GANC: variants seen among roughly 807,000 people sequenced by gnomAD.
GANC encodes glucosidase alpha, neutral C, also known as neutral alpha-glucosidase C.
GANC carries 117 observed loss-of-function variants against 124.2 expected under a neutral mutation model. The ratio of observed to expected loss-of-function variants is 0.94; its 90% CI spans 0.81 to 1.10. GANC has a LOEUF of 1.10. GANC is among the 50% of genes least tolerant of loss of function. The probability of loss-of-function intolerance (pLI) is 0.00; values close to 1 mark genes in which losing one functional copy is unlikely to be tolerated. For synonymous variants in GANC, 377 were observed against 376.8 expected (o/e 1.00, Z -0.01); for missense variants, 1,140 against 1,095.0 (o/e 1.04, Z -0.58).
intron 3 of GANC, chr15:42,283,618 G>A (rs1292797280): frequency 8.6e-6 from 6 of 701,526 alleles, no homozygotes; most frequent in African/African-American, 1.7e-5. Context: ...CAGCCTGTTT[G>A]CAAGGTTTCA....
At chr15:42,279,394 G>A (rs1403918082) in intron 3 of GANC, among the ~76,000 whole-genome samples, 2 of 152,166 alleles carry the variant, frequency 1.3e-5, no homozygotes, top group African/African-American at 4.8e-5. Flanking sequence ...GGGGGAACAG[G>A]GAACAGGCAA....
At chr15:42,291,298 G>A (rs2051838760) in intron 4 of GANC, among the ~76,000 whole-genome samples, 1 of 152,078 alleles carries the variant, frequency 6.6e-6, no homozygotes, top group Non-Finnish European at 1.5e-5. Flanking sequence ...TGCTAGCTTG[G>A]GCAACTGAGA....
Position 42,321,945 on chromosome 15 carries a change from G to A in GANC, c.1218G>A (p.Arg406=). ...WLDIEHTEGK[R]YFTWDKNRFP... ...ACATAGAGCACACTGAGGGCAAGAG[G>A]TACTTCACCTGGGACAAAAACAGAT... Residue 406 remains arginine (R), a synonymous_variant, in exon 11 of 24, where the codon AGG becomes AGA. Coordinates refer to ENST00000318010, the MANE Select transcript of GANC (RefSeq NM_198141.3). The A allele has an allele frequency of 1.9e-6, 3 of 1,614,164 alleles. No homozygotes were observed. Among genetic ancestry groups the A allele is most frequent in the Non-Finnish European group, 2.5e-6 (3 of 1,180,020 alleles).
intron 6 of GANC, among the ~76,000 whole-genome samples, chr15:42,305,574 G>A (rs1271884603): frequency 2.0e-5 from 3 of 152,148 alleles, no homozygotes; most frequent in Non-Finnish European, 2.9e-5. Context: ...AATACCATCG[G>A]ACCCAGCCAT....
chr15:42,342,000 T>C (rs1412873702), intron 18 of GANC, among the ~76,000 whole-genome samples: 1 of 152,232 alleles, frequency 6.6e-6, no homozygotes, highest in African/African-American at 2.4e-5. Flanking sequence ...CCTCTTATTA[T>C]GTAACTTTCA....
At position 42,283,822 on chromosome 15, in the gene GANC, G is replaced by A. The variant is rs539835756; in HGVS notation, c.202-3869G>A. 115 of 702,582 alleles carry A rather than the reference G, an allele frequency of 1.6e-4. No homozygotes were observed. In the African/African-American group the frequency reaches 2.0e-3, roughly 12 times the overall value. The allele number at this position is 702,582 out of a possible 1,614,324, so 43.5% of individuals were successfully genotyped here. ...TGTCTGCAGAAATGGCCAGGAACAG[G>A]CAGCTAATTTGGGAACTGGCCAGAC... On this transcript the variant is annotated intron_variant, in intron 3 of 23. Coordinates refer to ENST00000318010, the MANE Select transcript of GANC (RefSeq NM_198141.3).
chr15:42,296,080 G>A (rs2051888607), intron 5 of GANC, among the ~76,000 whole-genome samples: 1 of 149,486 alleles, frequency 6.7e-6, no homozygotes, highest in South Asian at 2.1e-4. Context: ...GGAGGTGGAG[G>A]TTTCAGTGAG....
rs369059350 is a variant in GANC, at chr15:42,278,563, G to A, written c.174G>A (p.Arg58=). ...TCACAACAGATGAAGACAGCACCAG[G>A]TTCCAAATCATCAATGAAGCAAGTA... ...DSVTTDEDST[R]FQIINEASKV... Residue 58 remains arginine, a synonymous_variant, in exon 3 of 24, where the codon AGG becomes AGA. Coordinates refer to ENST00000318010, the MANE Select transcript of GANC (RefSeq NM_198141.3). 11 of 1,611,560 alleles carry A rather than the reference G, an allele frequency of 6.8e-6. No individual in the cohort carries two copies. In the African/African-American group the frequency reaches 1.1e-4, roughly 16 times the overall value.
chr15:42,352,825 T>A lies in GANC; in HGVS notation c.*686T>A. 1 of 662,730 alleles carries A rather than the reference T, an allele frequency of 1.5e-6. No individual in the cohort carries two copies. The highest frequency in any genetic ancestry group is 1.9e-6 in the Non-Finnish European group (1 of 535,446). The allele number at this position is 662,730 out of a possible 1,614,324, so 41.1% of individuals were successfully genotyped here. On this transcript the variant is annotated 3_prime_UTR_variant, in exon 24 of 24. Coordinates refer to ENST00000318010, the MANE Select transcript of GANC (RefSeq NM_198141.3). ...AACCAAATAATATTTATAACATGAG[T>A]AAGCTATAATTAATAACAATGAAAT... is the stretch of plus-strand genomic sequence containing the variant.
At chr15:42,314,966 C>T (rs2052089678) in intron 10 of GANC, 1 of 152,214 alleles carries the variant, frequency 6.6e-6, no homozygotes, top group African/African-American at 2.4e-5. Flanking sequence ...ACACTTCATA[C>T]ACCAAATTGT....
In GANC at chr15:42,310,074, T is replaced by A. The variant is rs1357616039; in HGVS notation, c.723-209T>A. ...ATGTCTAAGATGTGATCGTATGTGC[T>A]AATGTCACAGGAAGTGGTGCCAAAG... On this transcript the variant is annotated intron_variant, in intron 8 of 23. Transcript: ENST00000318010. 2.6e-5 allele frequency among the ~76,000 whole-genome samples: 4 copies of A among 152,068 alleles called. No homozygotes were observed. In the East Asian group the frequency reaches 7.7e-4, roughly 29 times the overall value.
rs774028636 is a variant in GANC at position 42,339,762 on chromosome 15, C to T, written c.1937C>T (p.Ala646Val). The change falls in exon 17 of 24, where the codon GCC (alanine) becomes GTC (valine). Residue 646 changes from alanine to valine, a missense_variant. Coordinates refer to ENST00000318010, the MANE Select transcript of GANC (RefSeq NM_198141.3). The stretch of plus-strand genomic sequence containing the variant: ...TACCAGCCCTTCTTCCGTGGCCATG[C>T]CACCATGAACACCAAGCGACGAGAG... ...GAYQPFFRGHATMNTKRREPW... is the reference protein window; with the variant it reads ...GAYQPFFRGHVTMNTKRREPW... 4 of 1,614,152 alleles carry T rather than the reference C, an allele frequency of 2.5e-6. No individual in the cohort carries two copies. The highest frequency in any genetic ancestry group is 2.2e-5 in the East Asian group (1 of 44,876).
intron 3 of GANC, chr15:42,280,955 C>T (rs2051726661): frequency 2.8e-6 from 2 of 702,364 alleles, no homozygotes; most frequent in South Asian, 3.0e-5. Flanking sequence ...CTCTGGATGC[C>T]TTCAAAGGCA....
chr15:42,345,443 A>T (rs1032881834), intron 19 of GANC, among the ~76,000 whole-genome samples: 6 of 152,144 alleles, frequency 3.9e-5, no homozygotes, highest in Non-Finnish European at 5.9e-5. Context: ...GAGGACAGGA[A>T]CTATGTCTTT....
intron 13 of GANC, among the ~76,000 whole-genome samples, chr15:42,328,245 A>C (rs2052212649): frequency 6.6e-6 from 1 of 152,180 alleles, no homozygotes; most frequent in Non-Finnish European, 1.5e-5. Context: ...ACAGGGATAG[A>C]CAAGCGTTGG....
At chr15:42,328,518 AAAAC>A (rs1407085883) in intron 13 of GANC, among the ~76,000 whole-genome samples, 5 of 152,010 alleles carry the variant, frequency 3.3e-5, no homozygotes, top group African/African-American at 9.7e-5. Context: ...AAAAAAAAAA[AAAAC>A]AAGCCACCTC....
intron 4 of GANC, 25 bp downstream of exon 4, chr15:42,287,843 A>G: frequency 6.3e-7 from 1 of 1,595,616 alleles, no homozygotes; most frequent in Non-Finnish European, 8.5e-7. Context: ...GAGGTATTTT[A>G]GAGACACGCT....
At chr15:42,339,158 A>G (rs2052307833) in intron 16 of GANC, among the ~76,000 whole-genome samples, 1 of 152,118 alleles carries the variant, frequency 6.6e-6, no homozygotes, top group Admixed American at 6.5e-5. Flanking sequence ...AGGAATATGT[A>G]TATACCACTC....
chr15:42,333,651 A>G (rs572287244), intron 15 of GANC, among the ~76,000 whole-genome samples: 1 of 152,310 alleles, frequency 6.6e-6, no homozygotes, highest in South Asian at 2.1e-4. Flanking sequence ...ATTGCTTGCT[A>G]TACTTCCCTC....
Sources: gnomAD v4.1 joint callset for allele counts (sites outside exome capture counted in the v4.1 genomes callset) on GRCh38, gnomAD v4.1.1 for gene constraint, MANE v1.5 for transcripts, NCBI Gene and HGNC (gene_info 2026-07-23, HGNC 2026-07-21) for gene names.